The following CACNA2D1 variants were observed in gnomAD, a reference collection of about 807,000 sequenced individuals.
CACNA2D1 encodes the protein voltage-dependent calcium channel subunit alpha-2/delta-1.
A neutral mutation model predicts 171.5 loss-of-function variants in CACNA2D1; 53 were observed. The observed-to-expected ratio is 0.31, with a 90% CI of 0.25 to 0.39. CACNA2D1 has a LOEUF of 0.39. Among genes scored for constraint, CACNA2D1 ranks in the 10% least tolerant of loss-of-function variants. The pLI is 1.00. For missense variants in CACNA2D1, 903 were observed against 1,299.8 expected (o/e 0.69, Z 4.69); for synonymous variants, 442 against 443.1 (o/e 1.00, Z 0.03).
At chr7:82,313,783 G>A (rs1814763486) in intron 3 of CACNA2D1, among the ~76,000 whole-genome samples, 1 of 152,030 alleles carries the variant, frequency 6.6e-6, no homozygotes, top group Admixed American at 6.6e-5. Context: ...ACTTTCCCTT[G>A]GTTCTTTCAA....
At chr7:82,239,008 T>C (rs927768752) in intron 3 of CACNA2D1, among the ~76,000 whole-genome samples, 3 of 152,234 alleles carry the variant, frequency 2.0e-5, no homozygotes, top group East Asian at 1.9e-4. Flanking sequence ...TATTGGGATA[T>C]GGGCATTTTG....
chr7:82,136,732 T>C (rs1375301027), intron 4 of CACNA2D1, 56 bp from the exon 5 acceptor site: 1 of 1,145,914 alleles, frequency 8.7e-7, no homozygotes, highest in African/African-American at 1.6e-5. Context: ...CTGTATCAAA[T>C]ACTGAATACA....
chr7:82,062,115 G>A (rs938987621), intron 9 of CACNA2D1, among the ~76,000 whole-genome samples: 24 of 151,990 alleles, frequency 1.6e-4, no homozygotes, highest in Non-Finnish European at 2.4e-4. Context: ...GGGCAGTTTC[G>A]TTTTAGGGAA....
chr7:82,358,038 T>G (rs1175652890), intron 1 of CACNA2D1, among the ~76,000 whole-genome samples: 1 of 152,142 alleles, frequency 6.6e-6, no homozygotes, highest in Non-Finnish European at 1.5e-5. Flanking sequence ...TTATGCCCTG[T>G]GGAGCTGGGG....
At chr7:82,115,118 T>C (rs1210536080) in intron 6 of CACNA2D1, among the ~76,000 whole-genome samples, 2 of 152,222 alleles carry the variant, frequency 1.3e-5, no homozygotes, top group Non-Finnish European at 2.9e-5. Flanking sequence ...AGTGCCATGA[T>C]GTACAGAGTA....
chr7:82,082,121 T>C (rs182819042), intron 7 of CACNA2D1, among the ~76,000 whole-genome samples: 11 of 152,242 alleles, frequency 7.2e-5, no homozygotes, highest in Admixed American at 2.0e-4. Flanking sequence ...ACTCTGTCAG[T>C]CCCTTGCTCC....
chr7:82,190,943 T>C (rs1413516330), intron 3 of CACNA2D1, among the ~76,000 whole-genome samples: 1 of 151,718 alleles, frequency 6.6e-6, no homozygotes, highest in African/African-American at 2.4e-5. Context: ...AATTACAAAA[T>C]ATGTTCCATT....
chr7:82,312,150 G>T (rs1189773275), intron 3 of CACNA2D1, among the ~76,000 whole-genome samples: 1 of 152,058 alleles, frequency 6.6e-6, no homozygotes, highest in Non-Finnish European at 1.5e-5. Flanking sequence ...CAAATAATCA[G>T]GCCAAGGTTA....
intron 32 of CACNA2D1, among the ~76,000 whole-genome samples, chr7:81,964,823 T>C (rs2130317140): frequency 6.6e-6 from 1 of 151,936 alleles, no homozygotes; most frequent in East Asian, 1.9e-4. Flanking sequence ...GCAAAAAAGG[T>C]TAACAACCTG....
chr7:82,118,998 A>T (rs779633357), intron 5 of CACNA2D1, among the ~76,000 whole-genome samples: 2 of 152,086 alleles, frequency 1.3e-5, no homozygotes, highest in Non-Finnish European at 2.9e-5. Context: ...GTCTTTACTT[A>T]TCTTTATATA....
chr7:82,216,121 TC>T (rs1181388445), intron 3 of CACNA2D1, among the ~76,000 whole-genome samples: 3 of 152,182 alleles, frequency 2.0e-5, no homozygotes, highest in African/African-American at 7.2e-5. Flanking sequence ...GGCTCTTGTT[TC>T]TTTATACAGA....
chr7:82,076,029 C>G (rs1199587420), intron 7 of CACNA2D1, among the ~76,000 whole-genome samples: 2 of 152,140 alleles, frequency 1.3e-5, no homozygotes, highest in Non-Finnish European at 2.9e-5. Flanking sequence ...TTTACCTACT[C>G]TAACCTGTGA....
At chr7:82,276,877 T>C (rs1163599514) in intron 3 of CACNA2D1, among the ~76,000 whole-genome samples, 1 of 151,340 alleles carries the variant, frequency 6.6e-6, no homozygotes, top group African/African-American at 2.4e-5. Context: ...GCCTCCCAAG[T>C]AGCTTGGACT....
chr7:82,376,433 A>C (rs1823024077), intron 1 of CACNA2D1, among the ~76,000 whole-genome samples: 2 of 152,208 alleles, frequency 1.3e-5, no homozygotes, highest in Non-Finnish European at 2.9e-5. Flanking sequence ...TTTAAAGGGA[A>C]ACAACCATGA....
intron 10 of CACNA2D1, among the ~76,000 whole-genome samples, chr7:82,041,225 G>C (rs1803929615): frequency 6.6e-6 from 1 of 151,976 alleles, no homozygotes. Flanking sequence ...TAAGAAGACT[G>C]GTGTTAAAGA....
chr7:82,278,692 AG>A (rs1251716333), intron 3 of CACNA2D1, among the ~76,000 whole-genome samples: 1 of 152,058 alleles, frequency 6.6e-6, no homozygotes. Flanking sequence ...ATTTCTTTGG[AG>A]TAAGAAATAC....
chr7:82,026,493 A>T (rs928045842), intron 12 of CACNA2D1, among the ~76,000 whole-genome samples: 7 of 151,702 alleles, frequency 4.6e-5, no homozygotes, highest in Admixed American at 2.0e-4. Flanking sequence ...AATCTATCGA[A>T]TTTCATTTTT....
rs758571613 is a variant in CACNA2D1 at position 81,964,112 on chromosome 7, T to C, written c.2728-4A>G. 20 of 1,611,870 alleles carry C rather than the reference T, an allele frequency of 1.2e-5. No homozygotes were observed. Among genetic ancestry groups the C allele is most frequent in the Non-Finnish European group, 1.5e-5 (18 of 1,178,712 alleles). ...GTAATATGTCTGCTACTGATGGCTA[T>C]AAAATAAAATAATAAGGTCATTTCA... On this transcript the variant is annotated splice_polypyrimidine_tract_variant and splice_region_variant and intron_variant, in intron 33 of 38. Coordinates refer to ENST00000356860, the MANE Select transcript of CACNA2D1 (RefSeq NM_000722.4).
At chr7:82,386,763 T>TAAATAAATAAAG (rs1554536072) in intron 1 of CACNA2D1, among the ~76,000 whole-genome samples, 38 of 149,804 alleles carry the variant, frequency 2.5e-4, no homozygotes, top group African/African-American at 8.5e-4. Flanking sequence ...AATAAATAAA[T>TAAATAAATAAAG]AAATAAATAA....
Sources: allele counts gnomAD v4.1 joint callset (sites outside exome capture counted in the v4.1 genomes callset), GRCh38; gene constraint gnomAD v4.1.1; transcripts MANE v1.5; gene names NCBI Gene and HGNC (gene_info 2026-07-23, HGNC 2026-07-21).